The following STXBP5L variants were observed in gnomAD, a reference collection of about 807,000 sequenced individuals.
STXBP5L encodes syntaxin-binding protein 5-like.
Under a neutral mutation model 144.5 loss-of-function variants are expected in STXBP5L, and 65 were observed. The observed-to-expected ratio is 0.45, with a 90% confidence interval of 0.37 to 0.55. STXBP5L has a LOEUF of 0.55. STXBP5L is among the 20% of genes least tolerant of loss of function. STXBP5L has a pLI of 0.00. For missense variants in STXBP5L, 1,298 were observed against 1,405.5 expected, an observed-to-expected ratio of 0.92 and a Z score of 1.22; for synonymous variants, 505 against 469.6, an observed-to-expected ratio of 1.08 and a Z score of -0.97.
At chr3:121,326,303 T>A (rs1190645658) in intron 20 of STXBP5L, among the ~76,000 whole-genome samples, 1 of 152,022 alleles carries the variant, frequency 6.6e-6, no homozygotes, top group Non-Finnish European at 1.5e-5. Context: ...TAGAGATATG[T>A]AGGCTTTTTA....
chr3:121,043,749 A>C (rs1214192208), intron 4 of STXBP5L, among the ~76,000 whole-genome samples: 1 of 152,122 alleles, frequency 6.6e-6, no homozygotes, highest in Non-Finnish European at 1.5e-5. Flanking sequence ...TGAGTTCCTC[A>C]CTAGAATTAT....
chr3:121,114,597 G>C (rs1406989498), intron 5 of STXBP5L, among the ~76,000 whole-genome samples: 1 of 152,086 alleles, frequency 6.6e-6, no homozygotes. Context: ...CTGCTTATTA[G>C]CGGTCTTAGG....
At chr3:120,951,305 G>C (rs1445955025) in intron 2 of STXBP5L, among the ~76,000 whole-genome samples, 3 of 152,120 alleles carry the variant, frequency 2.0e-5, no homozygotes, top group Non-Finnish European at 2.9e-5. Flanking sequence ...TGACAAATGC[G>C]ATCTAATTAA....
intron 19 of STXBP5L, among the ~76,000 whole-genome samples, chr3:121,316,310 G>A (rs1026787797): frequency 6.6e-6 from 1 of 152,154 alleles, no homozygotes; most frequent in Admixed American, 6.5e-5. Flanking sequence ...AAATTCAGAA[G>A]GAGCTAGGGA....
chr3:121,236,646 A>G (rs1006182138), intron 12 of STXBP5L, among the ~76,000 whole-genome samples: 1 of 152,224 alleles, frequency 6.6e-6, no homozygotes, highest in Non-Finnish European at 1.5e-5. Context: ...GGGGAAAGAC[A>G]TCCCGATCAT....
chr3:121,348,645 G>A (rs535727964), intron 20 of STXBP5L, among the ~76,000 whole-genome samples: 1 of 151,958 alleles, frequency 6.6e-6, no homozygotes, highest in African/African-American at 2.4e-5. Flanking sequence ...GCCTGTTATT[G>A]GTCTATTCAG....
chr3:121,283,895 T>TTG (rs59432986), intron 19 of STXBP5L, among the ~76,000 whole-genome samples: 11,642 of 116,070 alleles, frequency 0.1, 452 homozygotes, highest in Middle Eastern at 0.14. Context: ...GTGTGTGTGC[T>TTG]TGTGTGTGTG....
intron 5 of STXBP5L, among the ~76,000 whole-genome samples, chr3:121,104,454 A>T (rs1363508139): frequency 6.6e-6 from 1 of 152,230 alleles, no homozygotes; most frequent in Non-Finnish European, 1.5e-5. Context: ...AGACTAAGCA[A>T]AAAGAACAAA....
rs950712618 is a variant in STXBP5L at position 121,324,612 on chromosome 3, A to T, written c.2176+6072A>T. 5.6e-5 allele frequency: 37 copies of T among 662,368 alleles called. No individual in the cohort carries two copies. In the African/African-American group the frequency reaches 6.4e-4, roughly 11 times the overall value. The allele number at this position is 662,368 out of a possible 1,614,324, so 41.0% of individuals were successfully genotyped here. A position where few individuals can be genotyped will look rare whatever the true frequency, so the allele number is the denominator to read the frequency against. On this transcript the variant is annotated intron_variant, in intron 20 of 26. Coordinates refer to ENST00000471454, the MANE Select transcript of STXBP5L (RefSeq NM_001308330.2). ...TGAAGATGAAAATCTCTTTATGAAC[A>T]AACAAAAGTTATTCATATCTTCACA...
At chr3:121,164,178 A>G (rs2046420089) in intron 9 of STXBP5L, among the ~76,000 whole-genome samples, 2 of 152,220 alleles carry the variant, frequency 1.3e-5, no homozygotes, top group African/African-American at 4.8e-5. Context: ...CCATTAAAAA[A>G]TGAGTGAAGG....
chr3:121,248,740 A>G (rs1257787256), intron 14 of STXBP5L, among the ~76,000 whole-genome samples: 1 of 152,090 alleles, frequency 6.6e-6, no homozygotes, highest in African/African-American at 2.4e-5. Context: ...CAAGAAGAGT[A>G]TTTCTTAGGT....
intron 20 of STXBP5L, among the ~76,000 whole-genome samples, chr3:121,325,577 A>C (rs1185094581): frequency 6.6e-6 from 1 of 152,052 alleles, no homozygotes; most frequent in Non-Finnish European, 1.5e-5. Flanking sequence ...AAGAAATTTA[A>C]TAGAACTTAA....
intron 22 of STXBP5L, among the ~76,000 whole-genome samples, chr3:121,391,957 T>G (rs1377333604): frequency 6.6e-6 from 1 of 152,220 alleles, no homozygotes; most frequent in African/African-American, 2.4e-5. Context: ...ACAGGGACGT[T>G]TAAGTCTGCA....
In STXBP5L at chr3:121,172,020, C is replaced by G. The variant is rs553767819; in HGVS notation, c.877+14393C>G. Among the ~76,000 whole-genome samples the G allele has an allele frequency of 1.5e-4, 23 of 152,272 alleles. No individual in the cohort carries two copies. In the South Asian group the frequency reaches 4.3e-3, roughly 29 times the overall value. On this transcript the variant is annotated intron_variant, in intron 9 of 26. Transcript: ENST00000471454. ...AAAACTGATATATAGACCAATGGAA[C>G]AGAACCAAGGCCTCAGAAATAGCAC... is the stretch of plus-strand genomic sequence containing the variant.
intron 18 of STXBP5L, among the ~76,000 whole-genome samples, chr3:121,276,280 A>G (rs958399855): frequency 6.6e-6 from 1 of 151,974 alleles, no homozygotes; most frequent in African/African-American, 2.4e-5. Context: ...TAACTTTACA[A>G]CAGCATGCTT....
chr3:121,167,896 C>G (rs547461181), intron 9 of STXBP5L, among the ~76,000 whole-genome samples: 81 of 152,190 alleles, frequency 5.3e-4, no homozygotes, highest in Non-Finnish European at 9.0e-4. Flanking sequence ...GGAGACACCT[C>G]CCAGCAGGGG....
In STXBP5L at chr3:121,020,769, T is replaced by A. The variant is rs138697802; in HGVS notation, c.288-20931T>A. On this transcript the variant is annotated intron_variant, in intron 3 of 26. Coordinates refer to ENST00000471454, the MANE Select transcript of STXBP5L (RefSeq NM_001308330.2). ...AAGAACTGCTAAAGGGAGTTCTAAA[T>A]CTTGAAACAAATCCTTGAAATACAC... is the stretch of plus-strand genomic sequence containing the variant. Among the ~76,000 whole-genome samples, 846 of 151,750 alleles carry A rather than the reference T, an allele frequency of 5.6e-3. 5 individuals carry two copies. Among genetic ancestry groups the A allele is most frequent in the Non-Finnish European group, 9.7e-3 (660 of 67,928 alleles).
At chr3:121,032,371 G>T (rs1560029138) in intron 3 of STXBP5L, among the ~76,000 whole-genome samples, 1 of 151,968 alleles carries the variant, frequency 6.6e-6, no homozygotes, top group East Asian at 1.9e-4. Context: ...ATTAGAGAAA[G>T]ACTGAAAAGT....
intron 8 of STXBP5L, among the ~76,000 whole-genome samples, chr3:121,153,453 G>A (rs915012396): frequency 2.7e-4 from 41 of 151,848 alleles, no homozygotes; most frequent in African/African-American, 9.7e-4. Context: ...TCTTATATAG[G>A]AAAAGTGCCA....
Sources: allele counts gnomAD v4.1 joint callset (sites outside exome capture counted in the v4.1 genomes callset), GRCh38; gene constraint gnomAD v4.1.1; transcripts MANE v1.5; gene names NCBI Gene and HGNC (gene_info 2026-07-23, HGNC 2026-07-21).